ITGB4: variants seen among roughly 807,000 people sequenced by gnomAD.
ITGB4 encodes integrin subunit beta 4.
ITGB4 carries 159 observed loss-of-function variants against 207.6 expected under a neutral mutation model. That is an observed-to-expected ratio of 0.77 (90% CI 0.67 to 0.87). The LOEUF (loss-of-function observed/expected upper bound fraction) is 0.87. ITGB4 is among the 40% of genes least tolerant of loss of function. The probability of loss-of-function intolerance (pLI) is 0.00; values close to 1 mark genes in which losing one functional copy is unlikely to be tolerated. For synonymous variants in ITGB4, 1,020 were observed against 1,062.7 expected, an observed-to-expected ratio of 0.96 and a Z score of 0.78; for missense variants, 2,278 against 2,546.8, an observed-to-expected ratio of 0.89 and a Z score of 2.27.
At position 75,742,193 on chromosome 17, in the gene ITGB4, G is replaced by T; in HGVS notation, c.2634-148G>T. ...GGGTAAAGGGTATGGGGCTGGCATAGGCCTGGAGCACTGCCTGCCTCTGAA... is the reference window on the plus strand; with the variant it reads ...GGGTAAAGGGTATGGGGCTGGCATATGCCTGGAGCACTGCCTGCCTCTGAA... On this transcript the variant is annotated intron_variant, in intron 23 of 39. Transcript: ENST00000200181. The surrounding 1 kb of genome is among the most constrained non-coding windows in gnomAD (Gnocchi z 5.9). 9.8e-7 allele frequency: 1 copy of T among 1,017,786 alleles called. No individual in the cohort carries two copies. 63.0% of individuals were successfully genotyped at this position (1,017,786 alleles called of 1,614,324 possible). A position where few individuals can be genotyped will look rare whatever the true frequency, so the allele number is the denominator to read the frequency against.
chr17:75,750,022 A>C lies in ITGB4; in HGVS notation c.3317-89A>C, dbSNP rs575733226. ...GGTCTGAGTTGAATGCGCTGGGTAG[A>C]GCGCCCTGGGTGTTGAAGTGGGTCT... is the stretch of plus-strand genomic sequence containing the variant. On this transcript the variant is annotated intron_variant, in intron 27 of 39. Coordinates refer to ENST00000200181, the MANE Select transcript of ITGB4 (RefSeq NM_000213.5). The surrounding 1 kb of genome is among the most constrained non-coding windows in gnomAD (Gnocchi z 5.5). 4.0e-5 allele frequency: 62 copies of C among 1,539,856 alleles called. No homozygotes were observed. The East Asian group carries it at 5.6e-4, about 14-fold the overall frequency.
At position 75,722,503 on chromosome 17, in the gene ITGB4, C is replaced by A. The variant is rs1470454179; in HGVS notation, c.-11+891C>A. ...ATCCTGGGGGCTGAGGGAAGGACAG[C>A]AGGAGGGACAGGAGGGGAGGTATGT... On this transcript the variant is annotated intron_variant, in intron 1 of 39. Coordinates refer to ENST00000200181, the MANE Select transcript of ITGB4 (RefSeq NM_000213.5). This position sits in a 1 kb window ranked among gnomAD's most constrained non-coding sequence, Gnocchi z 6.2. 6.6e-6 allele frequency among the ~76,000 whole-genome samples: 1 copy of A among 152,154 alleles called. No individual in the cohort carries two copies. Among genetic ancestry groups the A allele is most frequent in the Non-Finnish European group, 1.5e-5 (1 of 68,020 alleles).
In ITGB4 at chr17:75,739,609, G is replaced by T; in HGVS notation, c.2221-63G>T. ...CCATTGGCATGGGGCGGGGTGGCTG[G>T]AAGGGCTTACCTGGGCCAGGGCAGC... On this transcript the variant is annotated intron_variant, in intron 18 of 39. Coordinates refer to ENST00000200181, the MANE Select transcript of ITGB4 (RefSeq NM_000213.5). This position sits in a 1 kb window ranked among gnomAD's most constrained non-coding sequence, Gnocchi z 5.4. 6.2e-7 allele frequency: 1 copy of T among 1,600,840 alleles called. No individual in the cohort carries two copies. Among genetic ancestry groups the T allele is most frequent in the Non-Finnish European group, 8.6e-7 (1 of 1,168,688 alleles).
chr17:75,753,884 G>T lies in ITGB4; in HGVS notation c.4228G>T (p.Ala1410Ser). ...GGCCAGCAGCGGGCGCTCCTCCGAC[G>T]CCGAGGCGCCCCACGGGCCCCCGGA... ...LSASSGRSSD[A>S]EAPHGPPDDG... Residue 1410 changes from alanine to serine, a missense_variant, in exon 33 of 40, where the codon GCC becomes TCC. By Grantham distance (99) the Ala-to-Ser change is moderately conservative. Coordinates refer to ENST00000200181, the MANE Select transcript of ITGB4 (RefSeq NM_000213.5). 1 of 1,318,788 alleles carries T rather than the reference G, an allele frequency of 7.6e-7. No individual in the cohort carries two copies. Among genetic ancestry groups the T allele is most frequent in the South Asian group, 2.3e-5 (1 of 44,116 alleles). 81.7% of individuals were successfully genotyped at this position (1,318,788 alleles called of 1,614,324 possible).
chr17:75,750,618 G>A lies in ITGB4; in HGVS notation c.3475-62G>A, dbSNP rs989225310. 6.8e-7 allele frequency: 1 copy of A among 1,469,606 alleles called. No homozygotes were observed. The highest frequency in any genetic ancestry group is 2.3e-5 in the East Asian group (1 of 43,346). 91.0% of individuals were successfully genotyped at this position (1,469,606 alleles called of 1,614,324 possible). A position where few individuals can be genotyped will look rare whatever the true frequency, so the allele number is the denominator to read the frequency against. ...GACAGTAAGGGCAGAGGTCAGAGGA[G>A]GGACAGGCAGCTTGGGTGCCTGCTG... On this transcript the variant is annotated intron_variant, in intron 28 of 39. Transcript: ENST00000200181. This position sits in a 1 kb window ranked among gnomAD's most constrained non-coding sequence, Gnocchi z 5.5.
At position 75,731,712 on chromosome 17, in the gene ITGB4, G is replaced by T; in HGVS notation, c.1216-100G>T. On this transcript the variant is annotated intron_variant, in intron 10 of 39. Transcript: ENST00000200181. This position sits in a 1 kb window ranked among gnomAD's most constrained non-coding sequence, Gnocchi z 6.8. ...AGCAGGAGCTCATTTCAGGGATCCA[G>T]ACATCTCCTAGGAACTTGGGGGCCG... The T allele has an allele frequency of 7.6e-7, 1 of 1,315,910 alleles. No individual in the cohort carries two copies. 81.5% of individuals were successfully genotyped at this position (1,315,910 alleles called of 1,614,324 possible).
chr17:75,753,604 C>G (rs2061417277), intron 32 of ITGB4, among the ~76,000 whole-genome samples, 161 bp from the exon 33 acceptor site: 1 of 152,200 alleles, frequency 6.6e-6, no homozygotes, highest in East Asian at 1.9e-4. Context: ...GCGGCCTTCC[C>G]GCTCCGGCCG....
In ITGB4 at chr17:75,731,442, C is replaced by A; in HGVS notation, c.1215+74C>A. On this transcript the variant is annotated intron_variant, in intron 10 of 39. Coordinates refer to ENST00000200181, the MANE Select transcript of ITGB4 (RefSeq NM_000213.5). This position sits in a 1 kb window ranked among gnomAD's most constrained non-coding sequence, Gnocchi z 6.8. Reference sequence around the variant, plus strand: ...CACCGAGTGGAATCGTTTAAAACAGCGGTCAAGAGCGTGGCCCCTGGAGTC... The same window carrying A: ...CACCGAGTGGAATCGTTTAAAACAGAGGTCAAGAGCGTGGCCCCTGGAGTC... 2.1e-6 allele frequency: 3 copies of A among 1,457,534 alleles called. No individual in the cohort carries two copies. Among genetic ancestry groups the A allele is most frequent in the Non-Finnish European group, 9.4e-7 (1 of 1,064,200 alleles). The allele number at this position is 1,457,534 out of a possible 1,614,324, so 90.3% of individuals were successfully genotyped here.
intron 26 of ITGB4, among the ~76,000 whole-genome samples, chr17:75,748,306 G>A (rs1168456006): frequency 6.6e-6 from 1 of 151,816 alleles, no homozygotes; most frequent in Non-Finnish European, 1.5e-5. Flanking sequence ...AGGCTTCAGT[G>A]AGCTGTGATT....
chr17:75,731,859 G>A lies in ITGB4; in HGVS notation c.1263G>A (p.Thr421=), dbSNP rs372707561. The change falls in exon 11 of 40, where the codon ACG becomes ACA. Residue 421 remains threonine (T), a synonymous_variant. Coordinates refer to ENST00000200181, the MANE Select transcript of ITGB4 (RefSeq NM_000213.5). The surrounding 1 kb of genome is among the most constrained non-coding windows in gnomAD (Gnocchi z 6.8). ...QLRALEHVDG[T]HVCQLPEDQK... ...GGGCCCTTGAGCACGTGGATGGGACGCACGTGTGCCAGCTGCCGGAGGACC... is the reference window on the plus strand; with the variant it reads ...GGGCCCTTGAGCACGTGGATGGGACACACGTGTGCCAGCTGCCGGAGGACC... 16 of 1,612,754 alleles carry A rather than the reference G, an allele frequency of 9.9e-6. No individual in the cohort carries two copies. Among genetic ancestry groups the A allele is most frequent in the Middle Eastern group, 1.6e-4 (1 of 6,080 alleles).
Position 75,727,967 on chromosome 17 carries a change from A to T in ITGB4, c.469+112A>T. The T allele has an allele frequency of 2.1e-6, 2 of 970,492 alleles. No individual in the cohort carries two copies. Among genetic ancestry groups the T allele is most frequent in the Non-Finnish European group, 3.2e-6 (2 of 634,490 alleles). 60.1% of individuals were successfully genotyped at this position (970,492 alleles called of 1,614,324 possible). A position where few individuals can be genotyped will look rare whatever the true frequency, so the allele number is the denominator to read the frequency against. On this transcript the variant is annotated intron_variant, in intron 5 of 39. Transcript: ENST00000200181. The surrounding 1 kb of genome is among the most constrained non-coding windows in gnomAD (Gnocchi z 6.0). ...ACCCACCCAGAAGGAAACACTGGAC[A>T]TTTGAGCCCCCAAAAACCTTCCCTT...
At chr17:75,733,759 C>T (rs2060915842) in intron 13 of ITGB4, 67 bp downstream of exon 13, 6 of 1,520,368 alleles carry the variant, frequency 3.9e-6, no homozygotes, top group African/African-American at 1.4e-5. Flanking sequence ...ATGACTTTCC[C>T]GTCAGGACCC....
intron 1 of ITGB4, among the ~76,000 whole-genome samples, chr17:75,723,933 C>T (rs1216339997): frequency 6.6e-6 from 1 of 152,254 alleles, no homozygotes; most frequent in Non-Finnish European, 1.5e-5. Flanking sequence ...CCCTGAAGGC[C>T]GCTGAGGACT....
At chr17:75,744,664 A>G (rs1308004458) in intron 26 of ITGB4, among the ~76,000 whole-genome samples, 1 of 152,224 alleles carries the variant, frequency 6.6e-6, no homozygotes, top group East Asian at 1.9e-4. Context: ...AGGGAGTGCC[A>G]TGGCTGGACC....
intron 32 of ITGB4, among the ~76,000 whole-genome samples, chr17:75,753,231 C>T (rs926934085): frequency 6.6e-6 from 1 of 152,216 alleles, no homozygotes; most frequent in Non-Finnish European, 1.5e-5. Flanking sequence ...CCGGTGAACA[C>T]ATACTGGCCC....
Position 75,755,725 on chromosome 17 carries a change from C to T in ITGB4, c.4583C>T (p.Pro1528Leu), listed in dbSNP as rs763786590. The T allele has an allele frequency of 5.6e-6, 9 of 1,612,814 alleles. No homozygotes were observed. The highest frequency in any genetic ancestry group is 1.3e-5 in the African/African-American group (1 of 74,908). Residue 1528 changes from proline to leucine, a missense_variant, in exon 35 of 40, where the codon CCC (proline) becomes CTC (leucine). By Grantham distance (98) the Pro-to-Leu change is moderately conservative. Transcript: ENST00000200181. ...GACTCTCGCCTGACTGCTGGTGTGC[C>T]CGACACGCCCACCCGCCTGGTGTTC... is the stretch of plus-strand genomic sequence containing the variant. The part of the protein sequence containing the change: ...SHDSRLTAGV[P>L]DTPTRLVFSA...
In ITGB4 at chr17:75,732,075, T is replaced by C; in HGVS notation, c.1378-88T>C. 15 of 1,605,482 alleles carry C rather than the reference T, an allele frequency of 9.3e-6. No homozygotes were observed. Among genetic ancestry groups the C allele is most frequent in the Non-Finnish European group, 1.2e-5 (14 of 1,172,808 alleles). The stretch of plus-strand genomic sequence containing the variant: ...CCTGTGCCCCATATCCCTTGTGGGG[T>C]TTCCCGAGGCACACAGGAGAGCGGA... On this transcript the variant is annotated intron_variant, in intron 11 of 39. Transcript: ENST00000200181. This position sits in a 1 kb window ranked among gnomAD's most constrained non-coding sequence, Gnocchi z 5.3.
chr17:75,735,883 T>C lies in ITGB4; in HGVS notation c.1658-168T>C, dbSNP rs572553177. On this transcript the variant is annotated intron_variant, in intron 13 of 39. Coordinates refer to ENST00000200181, the MANE Select transcript of ITGB4 (RefSeq NM_000213.5). ...AAGGTAGGTAGGATGGAGGCAGAGA[T>C]GGAGGGAAGGAGATTCCAGGAAAGT... Among the ~76,000 whole-genome samples the C allele has an allele frequency of 2.0e-5, 3 of 152,268 alleles. No individual in the cohort carries two copies. The South Asian group carries it at 6.2e-4, about 32-fold the overall frequency.
Position 75,753,782 on chromosome 17 carries a change from G to C in ITGB4, c.4126G>C (p.Glu1376Gln). 5.5e-6 allele frequency: 8 copies of C among 1,453,356 alleles called. No individual in the cohort carries two copies. Among genetic ancestry groups the C allele is most frequent in the South Asian group, 1.4e-5 (1 of 69,274 alleles). 90.0% of individuals were successfully genotyped at this position (1,453,356 alleles called of 1,614,324 possible). A position where few individuals can be genotyped will look rare whatever the true frequency, so the allele number is the denominator to read the frequency against. ...TTCCCAAGGCTGCGGCTGGAAGTTC[G>C]AGCCCCTGCTGGGGGAGGAGCTGGA... Reference protein sequence around the residue: ...SDDTGCGWKFEPLLGEELDLR... With the variant: ...SDDTGCGWKFQPLLGEELDLR... Residue 1376 changes from glutamate (E) to glutamine (Q), a missense_variant, in exon 33 of 40, where the codon GAG becomes CAG. Transcript: ENST00000200181.
Sources: gnomAD v4.1 joint callset for allele counts (sites outside exome capture counted in the v4.1 genomes callset) on GRCh38, gnomAD v4.1.1 for gene constraint, Gnocchi (gnomAD v3.1) non-coding constraint, MANE v1.5 for transcripts, NCBI Gene and HGNC (gene_info 2026-07-23, HGNC 2026-07-21) for gene names.